The following ARHGEF4 variants were observed in gnomAD, a reference collection of about 807,000 sequenced individuals.
The protein encoded by ARHGEF4 is Rho guanine nucleotide exchange factor 4.
ARHGEF4 carries 119 observed loss-of-function variants against 162.0 expected under a neutral mutation model. The observed-to-expected ratio is 0.73, with a 90% confidence interval of 0.63 to 0.86. ARHGEF4 has a LOEUF of 0.86. Ranked by LOEUF, ARHGEF4 falls within the 40% of genes least tolerant of loss-of-function variation. The pLI, the probability that ARHGEF4 is intolerant of heterozygous loss-of-function variation, is 0.00. For synonymous variants in ARHGEF4, 1,014 were observed against 979.9 expected (o/e 1.03, Z -0.65); for missense variants, 2,488 against 2,456.0 (o/e 1.01, Z -0.28).
At chr2:130,913,942 G>A in intron 1 of ARHGEF4, 44 bp from the exon 2 acceptor site, 1 of 1,534,692 alleles carries the variant, frequency 6.5e-7, no homozygotes, top group Non-Finnish European at 8.7e-7. Flanking sequence ...GTGCACAGAT[G>A]TACTCAGGCC....
At chr2:131,005,012 T>A (rs1468527115) in intron 4 of ARHGEF4, among the ~76,000 whole-genome samples, 1 of 152,116 alleles carries the variant, frequency 6.6e-6, no homozygotes, top group Non-Finnish European at 1.5e-5. Context: ...CAGGGCAGAC[T>A]GCAGCCCAGC....
chr2:130,918,366 G>A (rs531068777), intron 2 of ARHGEF4, among the ~76,000 whole-genome samples: 30 of 152,308 alleles, frequency 2.0e-4, no homozygotes, highest in Admixed American at 8.5e-4. Context: ...AGAAGGGTTG[G>A]ATTTCTCATC....
At chr2:130,874,982 T>A (rs1678729989) in intron 1 of ARHGEF4, among the ~76,000 whole-genome samples, 1 of 152,232 alleles carries the variant, frequency 6.6e-6, no homozygotes, top group Non-Finnish European at 1.5e-5. Flanking sequence ...TTTCCAGGTC[T>A]CCTACAAAGT....
chr2:130,845,330 A>G (rs1434762897), intron 1 of ARHGEF4, among the ~76,000 whole-genome samples: 2 of 151,508 alleles, frequency 1.3e-5, no homozygotes, highest in East Asian at 4.0e-4. Context: ...ACATAGGGAG[A>G]CCCCGTCTCT....
At chr2:130,996,796 A>C (rs1045332618) in intron 4 of ARHGEF4, among the ~76,000 whole-genome samples, 12 of 152,260 alleles carry the variant, frequency 7.9e-5, no homozygotes, top group African/African-American at 2.9e-4. Flanking sequence ...CCATACCACC[A>C]CCAAAACCCA....
At chr2:131,017,110 G>A (rs145401348) in intron 4 of ARHGEF4, among the ~76,000 whole-genome samples, 5 of 152,298 alleles carry the variant, frequency 3.3e-5, no homozygotes, top group Non-Finnish European at 7.4e-5. Flanking sequence ...CCTTTGTGTT[G>A]CTGGGCCATG....
At position 130,854,846 on chromosome 2, in the gene ARHGEF4, T is replaced by TTA. The variant is rs1553502867; in HGVS notation, c.39+17855_39+17856insAT. On this transcript the variant is annotated intron_variant, in intron 1 of 13. Transcript: ENST00000409359. ...TGCAGCTTTGCTGGAGGAGTCTGACTTTTATTTATTTATTTATTTATTTAT... is the reference window on the plus strand; with the variant it reads ...TGCAGCTTTGCTGGAGGAGTCTGACTTATTTATTTATTTATTTATTTATTTAT... Among the ~76,000 whole-genome samples the TTA allele has an allele frequency of 3.6e-5, 5 of 140,314 alleles. No individual in the cohort carries two copies. In the East Asian group the frequency reaches 1.1e-3, roughly 30 times the overall value. 92.1% of individuals were successfully genotyped at this position (140,314 alleles called of 152,430 possible). A position where few individuals can be genotyped will look rare whatever the true frequency, so the allele number is the denominator to read the frequency against.
chr2:130,843,062 G>C (rs1275534066), intron 1 of ARHGEF4, among the ~76,000 whole-genome samples: 3 of 152,214 alleles, frequency 2.0e-5, no homozygotes, highest in African/African-American at 7.2e-5. Flanking sequence ...AGCTGCCAGA[G>C]GGTGGGACGA....
chr2:130,914,308 G>C lies in ARHGEF4; in HGVS notation c.362G>C (p.Ser121Thr), dbSNP rs541998619. ...TGPPQEQHLT[S>T]VPGLHAKEEL... ...CCCCCTCAGGAGCAGCATTTGACCA[G>C]TGTTCCTGGGCTTCATGCAAAGGAA... The change falls in exon 2 of 14, where the codon AGT becomes ACT. Residue 121 changes from serine (S) to threonine (T), a missense_variant. Physicochemically the swap from Ser to Thr is moderately conservative, Grantham distance 58. Coordinates refer to ENST00000409359, the MANE Select transcript of ARHGEF4 (RefSeq NM_001367493.1). 4.5e-4 allele frequency: 673 copies of C among 1,502,188 alleles called. 7 individuals are homozygous for C. The South Asian group carries it at 7.8e-3, about 17-fold the overall frequency. The allele number at this position is 1,502,188 out of a possible 1,614,324, so 93.1% of individuals were successfully genotyped here.
intron 8 of ARHGEF4, among the ~76,000 whole-genome samples, chr2:131,040,832 C>A (rs1690752424): frequency 6.6e-6 from 1 of 152,166 alleles, no homozygotes; most frequent in African/African-American, 2.4e-5. Context: ...TTCACTGGGC[C>A]GCTCTAAGTG....
intron 4 of ARHGEF4, among the ~76,000 whole-genome samples, chr2:131,015,326 CT>C (rs1688706768): frequency 6.6e-6 from 1 of 152,146 alleles, no homozygotes; most frequent in South Asian, 2.1e-4. Flanking sequence ...AATTAAAAAT[CT>C]GGAGCTGAGA....
At chr2:130,963,658 CGCGCGTGCGTGA>C (rs1373528203) in intron 4 of ARHGEF4, 3 of 146,740 alleles carry the variant, frequency 2.0e-5, no homozygotes, top group African/African-American at 4.9e-5. Flanking sequence ...GGCCTGCGTG[CGCGCGTGCGTGA>C]GCGCGTGCCG....
chr2:130,973,650 A>C (rs1349272948), intron 4 of ARHGEF4, among the ~76,000 whole-genome samples: 1 of 152,194 alleles, frequency 6.6e-6, no homozygotes, highest in Non-Finnish European at 1.5e-5. Flanking sequence ...CCCATACAGC[A>C]TAACATTTCC....
chr2:130,921,136 A>T lies in ARHGEF4; in HGVS notation c.3552+3638A>T, dbSNP rs75671077. ...GGTGGCCTGTTTTGAGGTTTATATA[A>T]ACAAAATCTTACACATTGCTTTAAA... is the stretch of plus-strand genomic sequence containing the variant. On this transcript the variant is annotated intron_variant, in intron 2 of 13. Transcript: ENST00000409359. Among the ~76,000 whole-genome samples the T allele has an allele frequency of 8.3e-3, 1,259 of 152,274 alleles. 17 individuals carry two copies. The highest frequency in any genetic ancestry group is 0.029 in the African/African-American group (1,208 of 41,536).
In ARHGEF4 at chr2:130,838,377, G is replaced by A. The variant is rs970484007; in HGVS notation, c.39+1385G>A. On this transcript the variant is annotated intron_variant, in intron 1 of 13. Coordinates refer to ENST00000409359, the MANE Select transcript of ARHGEF4 (RefSeq NM_001367493.1). ...AGCACTTTGGGAGGCCGAGTGGGGGGGGCGGATCGCCTGAGGTCACGAGTT... is the reference window on the plus strand; with the variant it reads ...AGCACTTTGGGAGGCCGAGTGGGGGAGGCGGATCGCCTGAGGTCACGAGTT... Among the ~76,000 whole-genome samples, 4 of 152,118 alleles carry A rather than the reference G, an allele frequency of 2.6e-5. No individual in the cohort carries two copies. The East Asian group carries it at 5.8e-4, about 22-fold the overall frequency.
Position 130,875,360 on chromosome 2 carries a change from A to G in ARHGEF4, c.39+38368A>G, listed in dbSNP as rs191328156. On this transcript the variant is annotated intron_variant, in intron 1 of 13. Coordinates refer to ENST00000409359, the MANE Select transcript of ARHGEF4 (RefSeq NM_001367493.1). ...TCTGAGTCAGTTTTCTGTTGCTATA[A>G]CTGAATACCTGAGACTGGGTAATCT... Among the ~76,000 whole-genome samples, 284 of 152,256 alleles carry G rather than the reference A, an allele frequency of 1.9e-3. 6 individuals are homozygous for G. The highest frequency in any genetic ancestry group is 6.5e-5 in the Admixed American group (1 of 15,286).
intron 1 of ARHGEF4, among the ~76,000 whole-genome samples, chr2:130,883,153 G>A (rs1325526732): frequency 2.0e-5 from 3 of 152,018 alleles, no homozygotes; most frequent in Admixed American, 6.5e-5. Flanking sequence ...CCTCTCTGAC[G>A]GTACTCGGAT....
In ARHGEF4 at chr2:130,963,182, G is replaced by T. The variant is rs566507311; in HGVS notation, c.3985+16547G>T. Among the ~76,000 whole-genome samples, 4 of 152,314 alleles carry T rather than the reference G, an allele frequency of 2.6e-5. No homozygotes were observed. In the South Asian group the frequency reaches 8.3e-4, roughly 32 times the overall value. On this transcript the variant is annotated intron_variant, in intron 4 of 13. Transcript: ENST00000409359. ...ACCCGGTCACTGAACTCTTCCACAC[G>T]CTTTCTAAAATCGTTTGGCATGGAC...
At chr2:130,936,905 C>CTTTTTTTTTTTTTTTTTTT (rs36086542) in intron 3 of ARHGEF4, among the ~76,000 whole-genome samples, 17 of 82,282 alleles carry the variant, frequency 2.1e-4, no homozygotes, top group East Asian at 3.7e-4. Context: ...TTTCTTTTTT[C>CTTTTTTTTTTTTTTTTTTT]TTTTTTTTTT....
Sources: gnomAD v4.1 joint callset for allele counts (sites outside exome capture counted in the v4.1 genomes callset) on GRCh38, gnomAD v4.1.1 for gene constraint, MANE v1.5 for transcripts, NCBI Gene and HGNC (gene_info 2026-07-23, HGNC 2026-07-21) for gene names.